ST3GAL3: variants seen among roughly 807,000 people sequenced by gnomAD.
The protein encoded by ST3GAL3 is CMP-N-acetylneuraminate-beta-1,4-galactoside alpha-2,3-sialyltransferase.
A neutral mutation model predicts 50.1 loss-of-function variants in ST3GAL3; 21 were observed. The observed-to-expected ratio is 0.42, with a 90% confidence interval of 0.30 to 0.60. The LOEUF (loss-of-function observed/expected upper bound fraction) is 0.60, where lower values mean the gene tolerates loss of function less well. Ranked by LOEUF, ST3GAL3 falls within the 20% of genes least tolerant of loss-of-function variation. The probability of loss-of-function intolerance (pLI) is 0.19; values close to 1 mark genes in which losing one functional copy is unlikely to be tolerated. For missense variants in ST3GAL3, 353 were observed against 489.4 expected, an observed-to-expected ratio of 0.72 and a Z score of 2.63; for synonymous variants, 183 against 190.0, an observed-to-expected ratio of 0.96 and a Z score of 0.30.
chr1:43,726,939 C>A (rs1673207962), intron 1 of ST3GAL3, among the ~76,000 whole-genome samples: 1 of 152,150 alleles, frequency 6.6e-6, no homozygotes, highest in Admixed American at 6.5e-5. Context: ...ATTTTAGCAT[C>A]CATTGATGTT....
chr1:43,789,176 G>A (rs911127966), intron 2 of ST3GAL3, among the ~76,000 whole-genome samples: 1 of 152,136 alleles, frequency 6.6e-6, no homozygotes, highest in Non-Finnish European at 1.5e-5. Flanking sequence ...TATGCTTTTT[G>A]GAGAAATCAG....
At chr1:43,854,490 G>A (rs919215497) in intron 5 of ST3GAL3, among the ~76,000 whole-genome samples, 2 of 152,020 alleles carry the variant, frequency 1.3e-5, no homozygotes, top group African/African-American at 4.8e-5. Flanking sequence ...AGTCTCTATT[G>A]CAAGAGATCT....
chr1:43,926,084 G>A (rs1382555489), intron 11 of ST3GAL3, among the ~76,000 whole-genome samples: 1 of 152,192 alleles, frequency 6.6e-6, no homozygotes, highest in Admixed American at 6.5e-5. Context: ...AGACTGGGCA[G>A]TAGCTAGAGG....
chr1:43,739,274 G>A (rs1401799399), intron 2 of ST3GAL3: 2 of 152,212 alleles, frequency 1.3e-5, no homozygotes, highest in Admixed American at 1.3e-4. Context: ...CCAGGCTAGA[G>A]TTTTGTGGTG....
chr1:43,815,763 G>A (rs1404496443), intron 4 of ST3GAL3, among the ~76,000 whole-genome samples: 1 of 152,178 alleles, frequency 6.6e-6, no homozygotes, highest in Non-Finnish European at 1.5e-5. Context: ...ATAGAGGACT[G>A]TCAAGTATTG....
intron 1 of ST3GAL3, among the ~76,000 whole-genome samples, chr1:43,730,779 C>G (rs966420344): frequency 4.0e-5 from 6 of 151,830 alleles, no homozygotes; most frequent in Non-Finnish European, 8.8e-5. Context: ...CTATGTTGCA[C>G]AGGCTGGTCT....
chr1:43,813,403 T>G (rs2060798819), intron 3 of ST3GAL3, among the ~76,000 whole-genome samples: 1 of 152,246 alleles, frequency 6.6e-6, no homozygotes, highest in Non-Finnish European at 1.5e-5. Flanking sequence ...TAAGCCTTTT[T>G]TTGTTTTTCT....
intron 2 of ST3GAL3, among the ~76,000 whole-genome samples, chr1:43,773,348 G>A (rs2154134865): frequency 6.6e-6 from 1 of 152,188 alleles, no homozygotes; most frequent in African/African-American, 2.4e-5. Context: ...TTGTCTTACT[G>A]AGCTTACTAC....
At chr1:43,796,732 G>T (rs562104736) in intron 3 of ST3GAL3, among the ~76,000 whole-genome samples, 33 of 152,300 alleles carry the variant, frequency 2.2e-4, no homozygotes, top group Non-Finnish European at 3.7e-4. Flanking sequence ...AGGAAAATTT[G>T]AACTTGCATG....
intron 6 of ST3GAL3, among the ~76,000 whole-genome samples, chr1:43,895,600 A>G (rs1463924593): frequency 6.6e-6 from 1 of 152,134 alleles, no homozygotes; most frequent in Non-Finnish European, 1.5e-5. Flanking sequence ...TAAAGGGGTG[A>G]TATCATTTGG....
At chr1:43,742,130 G>T (rs1681193031) in intron 2 of ST3GAL3, among the ~76,000 whole-genome samples, 1 of 152,316 alleles carries the variant, frequency 6.6e-6, no homozygotes, top group Non-Finnish European at 1.5e-5. Flanking sequence ...ATAGAAAAGA[G>T]ATACTGGAGG....
chr1:43,764,768 C>T (rs938181635), intron 2 of ST3GAL3, among the ~76,000 whole-genome samples: 2 of 152,210 alleles, frequency 1.3e-5, no homozygotes, highest in African/African-American at 2.4e-5. Flanking sequence ...AGGGGCATGG[C>T]CGTGGGCCAG....
At chr1:43,860,209 A>C (rs2069557694) in intron 5 of ST3GAL3, among the ~76,000 whole-genome samples, 1 of 152,236 alleles carries the variant, frequency 6.6e-6, no homozygotes, top group South Asian at 2.1e-4. Flanking sequence ...CTTTTTAAAC[A>C]TGGTCAGCAG....
At chr1:43,720,312 T>TGTA (rs1199800859) in intron 1 of ST3GAL3, among the ~76,000 whole-genome samples, 1 of 152,212 alleles carries the variant, frequency 6.6e-6, no homozygotes, top group Non-Finnish European at 1.5e-5. Context: ...ATGTAAAATG[T>TGTA]GTAGCCACTT....
chr1:43,778,731 C>T (rs1362673955), intron 2 of ST3GAL3, among the ~76,000 whole-genome samples: 2 of 148,798 alleles, frequency 1.3e-5, no homozygotes, highest in Admixed American at 6.7e-5. Flanking sequence ...CTGCAAGCTC[C>T]GCCTCCCGGG....
At chr1:43,858,217 A>C (rs1369703935) in intron 5 of ST3GAL3, 1 of 1,289,392 alleles carries the variant, frequency 7.8e-7, no homozygotes, top group Non-Finnish European at 1.0e-6. Flanking sequence ...GATTGTGGGG[A>C]CACAGAGAAG....
intron 1 of ST3GAL3, among the ~76,000 whole-genome samples, chr1:43,715,450 C>T (rs1249491012): frequency 6.6e-6 from 1 of 151,960 alleles, no homozygotes; most frequent in African/African-American, 2.4e-5. Flanking sequence ...GTAGCACATG[C>T]CTCTGGTACC....
rs567724293 is a variant in ST3GAL3, at chr1:43,835,577, C to G, written c.210-2642C>G. 6.6e-5 allele frequency among the ~76,000 whole-genome samples: 10 copies of G among 152,268 alleles called. No homozygotes were observed. In the South Asian group the frequency reaches 1.2e-3, roughly 19 times the overall value. On this transcript the variant is annotated intron_variant, in intron 4 of 11. Transcript: ENST00000347631. The stretch of plus-strand genomic sequence containing the variant: ...GCCTGCTGGGCTCCAGCTCCCTCTC[C>G]ATTGTAGATGACGTGATCCTGTGCC...
chr1:43,792,636 T>G (rs1283896915), intron 3 of ST3GAL3, among the ~76,000 whole-genome samples: 1 of 151,998 alleles, frequency 6.6e-6, no homozygotes, highest in East Asian at 1.9e-4. Context: ...AGGAGAGGAG[T>G]ACCACACTGT....
Sources: gnomAD v4.1 joint callset for allele counts (sites outside exome capture counted in the v4.1 genomes callset) on GRCh38, gnomAD v4.1.1 for gene constraint, MANE v1.5 for transcripts, NCBI Gene and HGNC (gene_info 2026-07-23, HGNC 2026-07-21) for gene names.